Variants in TP53BP2 observed in about 807,000 individuals in gnomAD.
TP53BP2 encodes apoptosis-stimulating of p53 protein 2.
A neutral mutation model predicts 126.2 loss-of-function variants in TP53BP2; 62 were observed. The observed-to-expected ratio is 0.49, with a 90% CI of 0.40 to 0.61. TP53BP2 has a LOEUF of 0.61. Among genes scored for constraint, TP53BP2 ranks in the 20% least tolerant of loss-of-function variants. The pLI is 0.00. For synonymous variants in TP53BP2, 485 were observed against 502.9 expected, an observed-to-expected ratio of 0.96 and a Z score of 0.48; for missense variants, 1,215 against 1,402.8, an observed-to-expected ratio of 0.87 and a Z score of 2.14.
intron 16 of TP53BP2, among the ~76,000 whole-genome samples, chr1:223,788,082 T>C (rs1662031631): frequency 6.6e-6 from 1 of 151,380 alleles, no homozygotes; most frequent in Non-Finnish European, 1.5e-5. Flanking sequence ...AAAAATAAAA[T>C]AATCACAAAT....
At chr1:223,788,413 A>G (rs1662042861) in intron 16 of TP53BP2, among the ~76,000 whole-genome samples, 1 of 152,118 alleles carries the variant, frequency 6.6e-6, no homozygotes, top group African/African-American at 2.4e-5. Flanking sequence ...AACAAAAAAA[A>G]TTTTCCTTGT....
Position 223,798,418 on chromosome 1 carries a change from C to T in TP53BP2, c.1745G>A (p.Ser582Asn), listed in dbSNP as rs2102847862. ...GGGCCGGACGGCAGCAGCAGGTGGA[C>T]TTTCTTGCTTAGAACCTGGAGAAAG... ...QTLSPGSKQE[S>N]PPAAAVRPFT... Residue 582 changes from serine to asparagine, a missense_variant, in exon 12 of 18, where the codon AGT (serine) becomes AAT (asparagine). Ser to Asn is a conservative substitution (Grantham distance 46, BLOSUM62 1). Transcript: ENST00000343537. 6.2e-7 allele frequency: 1 copy of T among 1,614,154 alleles called. No homozygotes were observed. The highest frequency in any genetic ancestry group is 8.5e-7 in the Non-Finnish European group (1 of 1,180,028).
intron 2 of TP53BP2, among the ~76,000 whole-genome samples, chr1:223,820,430 G>A (rs890903586): frequency 6.6e-6 from 1 of 152,132 alleles, no homozygotes; most frequent in Non-Finnish European, 1.5e-5. Flanking sequence ...TTCTAATCTG[G>A]TTCCTATGTA....
intron 1 of TP53BP2, among the ~76,000 whole-genome samples, chr1:223,836,022 G>A (rs1223490759): frequency 2.0e-5 from 3 of 152,150 alleles, no homozygotes; most frequent in Non-Finnish European, 4.4e-5. Context: ...ACCATCTAGG[G>A]AGAGAAACAC....
chr1:223,787,755 G>A (rs1662018920), intron 16 of TP53BP2, among the ~76,000 whole-genome samples: 1 of 152,186 alleles, frequency 6.6e-6, no homozygotes, highest in Admixed American at 6.5e-5. Flanking sequence ...GTACATGCCT[G>A]TAGTCCCAGT....
chr1:223,839,871 G>A (rs777865947), intron 1 of TP53BP2, among the ~76,000 whole-genome samples: 1 of 152,138 alleles, frequency 6.6e-6, no homozygotes, highest in Non-Finnish European at 1.5e-5. Flanking sequence ...GGAGGCAGAG[G>A]TTGCAGTGAG....
At position 223,802,321 on chromosome 1, in the gene TP53BP2, G is replaced by C. The variant is rs746022899; in HGVS notation, c.1020C>G (p.Pro340=). 1 of 1,614,096 alleles carries C rather than the reference G, an allele frequency of 6.2e-7. No homozygotes were observed. Among genetic ancestry groups the C allele is most frequent in the Non-Finnish European group, 8.5e-7 (1 of 1,180,012 alleles). ...GGCTTGGGGCTGACGCGGCTTGCTG[G>C]GGAAGATTTCCATCAGATGAAACCT... The part of the protein sequence containing the change: ...NLPVSSDGNL[P]QQAASAPSRV... The change falls in exon 9 of 18, where the codon CCC becomes CCG. Residue 340 remains proline, a synonymous_variant. Transcript: ENST00000343537.
intron 2 of TP53BP2, chr1:223,818,348 A>C (rs1355757253): frequency 1.3e-5 from 2 of 151,528 alleles, no homozygotes; most frequent in African/African-American, 4.9e-5. Context: ...CTAAAAATAC[A>C]AAAAAAATTA....
At chr1:223,836,386 T>C (rs992426133) in intron 1 of TP53BP2, among the ~76,000 whole-genome samples, 9 of 152,202 alleles carry the variant, frequency 5.9e-5, no homozygotes, top group African/African-American at 2.2e-4. Flanking sequence ...GCATTCCCAC[T>C]ACTGTGCCAT....
At chr1:223,784,385 A>C in intron 16 of TP53BP2, 71 bp from the exon 17 acceptor site, 1 of 1,436,318 alleles carries the variant, frequency 7.0e-7, no homozygotes, top group Non-Finnish European at 9.7e-7. Flanking sequence ...ACTTTTAGCT[A>C]TATGAAACAA....
At chr1:223,782,133 A>G (rs1047130343) in intron 17 of TP53BP2, among the ~76,000 whole-genome samples, 2 of 152,188 alleles carry the variant, frequency 1.3e-5, no homozygotes, top group Non-Finnish European at 2.9e-5. Flanking sequence ...TCACTAATAG[A>G]TGTTCTCACC....
At chr1:223,823,989 A>G (rs1038615531) in intron 1 of TP53BP2, among the ~76,000 whole-genome samples, 1 of 152,232 alleles carries the variant, frequency 6.6e-6, no homozygotes, top group African/African-American at 2.4e-5. Flanking sequence ...TACCTCTGTA[A>G]ACTTCATCTT....
chr1:223,810,283 AAT>A lies in TP53BP2; in HGVS notation c.372+146_372+147del. 9 of 532,718 alleles carry A rather than the reference AAT, an allele frequency of 1.7e-5. No individual in the cohort carries two copies. In the South Asian group the frequency reaches 2.5e-4, roughly 15 times the overall value. 33.0% of individuals were successfully genotyped at this position (532,718 alleles called of 1,614,324 possible). Reference sequence around the variant, plus strand: ...CAGCCATATACAGATCATTAAAATTAATAGTTTCTATGAAACAAATTTAAAAT... The same window carrying A: ...CAGCCATATACAGATCATTAAAATTAAGTTTCTATGAAACAAATTTAAAAT... On this transcript the variant is annotated intron_variant, in intron 4 of 17. Coordinates refer to ENST00000343537, the MANE Select transcript of TP53BP2 (RefSeq NM_001031685.3).
In TP53BP2 at chr1:223,845,786, G is replaced by A; in HGVS notation, c.-106C>T. On this transcript the variant is annotated 5_prime_UTR_variant, in exon 1 of 18. Coordinates refer to ENST00000343537, the MANE Select transcript of TP53BP2 (RefSeq NM_001031685.3). The stretch of plus-strand genomic sequence containing the variant: ...GCGAGGCCGCCCGGACCTGTTGCGA[G>A]GCGGCGGCGGCGGCAGCGGCGGCGC... 9.3e-7 allele frequency: 1 copy of A among 1,069,720 alleles called. No homozygotes were observed. The highest frequency in any genetic ancestry group is 1.2e-6 in the Non-Finnish European group (1 of 844,648). The allele number at this position is 1,069,720 out of a possible 1,614,324, so 66.3% of individuals were successfully genotyped here.
At chr1:223,845,514 A>T in intron 1 of TP53BP2, 140 bp downstream of exon 1, 1 of 962,636 alleles carries the variant, frequency 1.0e-6, no homozygotes, top group Non-Finnish European at 1.4e-6. Flanking sequence ...AACCCGCTCG[A>T]AGCTCGGAAA....
chr1:223,814,714 T>G (rs979967151), intron 2 of TP53BP2, among the ~76,000 whole-genome samples: 2 of 152,186 alleles, frequency 1.3e-5, no homozygotes, highest in Admixed American at 1.3e-4. Flanking sequence ...AACACTAATA[T>G]TCATGATTCT....
At chr1:223,812,990 G>A (rs1304431737) in intron 3 of TP53BP2, among the ~76,000 whole-genome samples, 3 of 152,158 alleles carry the variant, frequency 2.0e-5, no homozygotes, top group African/African-American at 4.8e-5. Context: ...GAGCCACCGC[G>A]CTCAGCCAAA....
chr1:223,812,547 T>C (rs1173845580), intron 3 of TP53BP2, among the ~76,000 whole-genome samples: 1 of 151,776 alleles, frequency 6.6e-6, no homozygotes, highest in Non-Finnish European at 1.5e-5. Flanking sequence ...ATTTTTGTTT[T>C]TTGTTGTTGT....
intron 1 of TP53BP2, among the ~76,000 whole-genome samples, chr1:223,822,016 C>G (rs1370157973): frequency 1.3e-5 from 2 of 151,996 alleles, no homozygotes; most frequent in African/African-American, 4.8e-5. Flanking sequence ...CTCAGCCTCC[C>G]GAGTAGCTGG....
Sources: allele counts gnomAD v4.1 joint callset (sites outside exome capture counted in the v4.1 genomes callset), GRCh38; gene constraint gnomAD v4.1.1; transcripts MANE v1.5; gene names NCBI Gene and HGNC (gene_info 2026-07-23, HGNC 2026-07-21).